The following THSD4 variants were observed in gnomAD, a reference collection of about 807,000 sequenced individuals.
The protein encoded by THSD4 is thrombospondin type-1 domain-containing protein 4.
In THSD4, 69 loss-of-function variants were observed where a neutral mutation model predicts 119.0. That is an observed-to-expected ratio of 0.58 (90% CI 0.48 to 0.71). THSD4 has a LOEUF of 0.71. Ranked by LOEUF, THSD4 falls within the 30% of genes least tolerant of loss-of-function variation. The pLI is 0.00. For synonymous variants in THSD4, 524 were observed against 540.4 expected, an observed-to-expected ratio of 0.97 and a Z score of 0.42; for missense variants, 1,393 against 1,391.1, an observed-to-expected ratio of 1.00 and a Z score of -0.02.
rs897751404 is a variant in THSD4 at position 71,165,118 on chromosome 15, C to T, written c.99+10186C>T. ...ACTCAGAGCAGAAGAGGAAGAAGGC[C>T]GAAGGAGGCCTCTTGGGTGCATTGG... is the stretch of plus-strand genomic sequence containing the variant. On this transcript the variant is annotated intron_variant, in intron 3 of 17. Transcript: ENST00000261862. 2.8e-5 allele frequency: 45 copies of T among 1,611,060 alleles called. No individual in the cohort carries two copies. The African/African-American group carries it at 3.1e-4, about 11-fold the overall frequency.
At position 71,695,502 on chromosome 15, in the gene THSD4, A is replaced by ATGCGTGTGTG. The variant is rs1491230251; in HGVS notation, c.1358-33045_1358-33044insCGTGTGTGTG. Among the ~76,000 whole-genome samples, 14 of 144,128 alleles carry ATGCGTGTGTG rather than the reference A, an allele frequency of 9.7e-5. No homozygotes were observed. The South Asian group carries it at 2.0e-3, about 21-fold the overall frequency. 94.6% of individuals were successfully genotyped at this position (144,128 alleles called of 152,430 possible). A position where few individuals can be genotyped will look rare whatever the true frequency, so the allele number is the denominator to read the frequency against. On this transcript the variant is annotated intron_variant, in intron 8 of 17. Transcript: ENST00000261862. ...ACACATAAAATATTTGTGTGTGTGCATGTGTGTGTGTGTGTGTGTGTGTGT... is the reference window on the plus strand; with the variant it reads ...ACACATAAAATATTTGTGTGTGTGCATGCGTGTGTGTGTGTGTGTGTGTGTGTGTGTGTGT...
At chr15:71,644,382 A>T (rs949584758) in intron 7 of THSD4, among the ~76,000 whole-genome samples, 8 of 152,210 alleles carry the variant, frequency 5.3e-5, no homozygotes, top group African/African-American at 1.9e-4. Flanking sequence ...TCTGAAAAGG[A>T]TAAATGTCCT....
intron 1 of THSD4, among the ~76,000 whole-genome samples, chr15:71,141,167 C>T (rs2040600013): frequency 6.6e-6 from 1 of 152,196 alleles, no homozygotes; most frequent in Non-Finnish European, 1.5e-5. Context: ...CACAAGTGTG[C>T]CTAGCACCAG....
intron 14 of THSD4, among the ~76,000 whole-genome samples, chr15:71,753,175 A>G (rs1035605241): frequency 6.6e-6 from 1 of 152,206 alleles, no homozygotes; most frequent in Admixed American, 6.5e-5. Context: ...TAGGGACACA[A>G]AGTTTCTTCT....
intron 6 of THSD4, among the ~76,000 whole-genome samples, chr15:71,298,805 G>A (rs958221911): frequency 6.6e-6 from 1 of 152,142 alleles, no homozygotes; most frequent in Non-Finnish European, 1.5e-5. Context: ...TAGAGACGGG[G>A]TTTTACTCTG....
At chr15:71,530,816 C>A (rs533608953) in intron 7 of THSD4, among the ~76,000 whole-genome samples, 42 of 150,562 alleles carry the variant, frequency 2.8e-4, no homozygotes, top group African/African-American at 1.0e-3. Context: ...AAAAAAAAAT[C>A]TTTGCCTCTG....
At chr15:71,330,172 G>T (rs1285604642) in intron 6 of THSD4, among the ~76,000 whole-genome samples, 2 of 151,994 alleles carry the variant, frequency 1.3e-5, no homozygotes, top group Non-Finnish European at 2.9e-5. Flanking sequence ...GGTGGGAGCT[G>T]CCCTGGGTGT....
rs547381803 is a variant in THSD4 at position 71,663,256 on chromosome 15, A to AAAAAAG, written c.1357+2534_1357+2539dup. Among the ~76,000 whole-genome samples, 64 of 152,238 alleles carry AAAAAAG rather than the reference A, an allele frequency of 4.2e-4. No individual in the cohort carries two copies. In the South Asian group the frequency reaches 0.011, roughly 25 times the overall value. Reference sequence around the variant, plus strand: ...AATAAAGCAAGACACTATATCAAAAAAAAAAGAAAAAGAAAAAAGTCAATG... The same window carrying AAAAAAG: ...AATAAAGCAAGACACTATATCAAAAAAAAAAGAAAAAGAAAAAGAAAAAAGTCAATG... On this transcript the variant is annotated intron_variant, in intron 8 of 17. Transcript: ENST00000261862.
chr15:71,575,544 T>C (rs1427563479), intron 7 of THSD4, among the ~76,000 whole-genome samples: 1 of 152,190 alleles, frequency 6.6e-6, no homozygotes, highest in African/African-American at 2.4e-5. Context: ...AATCGGGACA[T>C]TTTGTTTCTT....
chr15:71,303,938 TC>T (rs1302363132), intron 6 of THSD4, among the ~76,000 whole-genome samples: 1 of 152,162 alleles, frequency 6.6e-6, no homozygotes, highest in African/African-American at 2.4e-5. Flanking sequence ...AAAGCAGGCC[TC>T]TTTGGTTGCT....
intron 1 of THSD4, among the ~76,000 whole-genome samples, chr15:71,129,194 C>T (rs1241037345): frequency 6.6e-6 from 1 of 152,184 alleles, no homozygotes; most frequent in African/African-American, 2.4e-5. Context: ...CACCTTGGGC[C>T]ATCAGCAGCA....
intron 3 of THSD4, among the ~76,000 whole-genome samples, chr15:71,160,194 T>G (rs1222718632): frequency 6.6e-6 from 1 of 152,156 alleles, no homozygotes; most frequent in East Asian, 1.9e-4. Context: ...GAATAATATT[T>G]ATAATATGCT....
chr15:71,637,435 G>T (rs974888233), intron 7 of THSD4, among the ~76,000 whole-genome samples: 1 of 152,194 alleles, frequency 6.6e-6, no homozygotes, highest in Non-Finnish European at 1.5e-5. Context: ...CATGATCTCA[G>T]TGTCGTGGAA....
intron 6 of THSD4, among the ~76,000 whole-genome samples, chr15:71,382,952 T>G (rs954039479): frequency 6.6e-6 from 1 of 152,254 alleles, no homozygotes; most frequent in Non-Finnish European, 1.5e-5. Context: ...AACATGACTT[T>G]AAGACATTAA....
chr15:71,604,480 G>A (rs2050071232), intron 7 of THSD4, among the ~76,000 whole-genome samples: 1 of 152,152 alleles, frequency 6.6e-6, no homozygotes, highest in Admixed American at 6.6e-5. Flanking sequence ...AGCAGTTTGA[G>A]AATTTCAGAC....
intron 3 of THSD4, among the ~76,000 whole-genome samples, chr15:71,214,230 A>G (rs1447823695): frequency 6.8e-6 from 1 of 147,850 alleles, no homozygotes; most frequent in East Asian, 1.9e-4. Context: ...ATAAGGGACT[A>G]AAAGCTGGCG....
chr15:71,224,724 C>T (rs1167021071), intron 4 of THSD4, among the ~76,000 whole-genome samples: 1 of 152,194 alleles, frequency 6.6e-6, no homozygotes, highest in African/African-American at 2.4e-5. Flanking sequence ...GAGAGGCTGC[C>T]TACTTGCATT....
intron 7 of THSD4, among the ~76,000 whole-genome samples, chr15:71,556,779 A>AAAT (rs1555426288): frequency 6.6e-6 from 1 of 151,270 alleles, no homozygotes; most frequent in Non-Finnish European, 1.5e-5. Context: ...AAAAAAAAAA[A>AAAT]GTACAACTGA....
At chr15:71,744,126 A>G (rs939725526) in intron 11 of THSD4, among the ~76,000 whole-genome samples, 5 of 151,154 alleles carry the variant, frequency 3.3e-5, no homozygotes, top group Non-Finnish European at 7.4e-5. Flanking sequence ...CAGCAGAGAA[A>G]GGAAGGCAGA....
Sources: gnomAD v4.1 joint callset for allele counts (sites outside exome capture counted in the v4.1 genomes callset) on GRCh38, gnomAD v4.1.1 for gene constraint, MANE v1.5 for transcripts, NCBI Gene and HGNC (gene_info 2026-07-23, HGNC 2026-07-21) for gene names.